LSAMP: variants seen among roughly 807,000 people sequenced by gnomAD.
LSAMP encodes the protein limbic system associated membrane protein, also known as limbic system-associated membrane protein.
A neutral mutation model predicts 38.6 loss-of-function variants in LSAMP; 7 were observed. That is an observed-to-expected ratio of 0.18 (90% CI 0.10 to 0.34). The LOEUF (loss-of-function observed/expected upper bound fraction) is 0.34, where lower values mean the gene tolerates loss of function less well. LSAMP is among the 10% of genes least tolerant of loss of function. The pLI is 1.00. For missense variants in LSAMP, 313 were observed against 420.0 expected (o/e 0.75, Z 2.23); for synonymous variants, 154 against 166.8 (o/e 0.92, Z 0.59).
At chr3:116,158,341 T>G (rs1266625814) in intron 1 of LSAMP, among the ~76,000 whole-genome samples, 1 of 152,030 alleles carries the variant, frequency 6.6e-6, no homozygotes, top group Non-Finnish European at 1.5e-5. Context: ...CCTAGTACTA[T>G]AAGTCCTCTC....
intron 1 of LSAMP, among the ~76,000 whole-genome samples, chr3:116,163,516 A>T (rs1179182972): frequency 6.6e-6 from 1 of 151,626 alleles, no homozygotes; most frequent in Non-Finnish European, 1.5e-5. Flanking sequence ...TGCTATTGTG[A>T]ATAGTGCCGC....
At chr3:115,927,774 G>A (rs1012897331) in intron 3 of LSAMP, among the ~76,000 whole-genome samples, 2 of 152,006 alleles carry the variant, frequency 1.3e-5, no homozygotes, top group African/African-American at 2.4e-5. Flanking sequence ...TGGCCCCTTC[G>A]TCCCCTCCAT....
At chr3:115,866,785 G>T (rs574664642) in intron 3 of LSAMP, among the ~76,000 whole-genome samples, 12 of 152,008 alleles carry the variant, frequency 7.9e-5, no homozygotes, top group Non-Finnish European at 1.5e-4. Flanking sequence ...TGCCAAGCAG[G>T]ATAAATTACC....
intron 3 of LSAMP, among the ~76,000 whole-genome samples, chr3:115,999,834 C>T (rs1234904829): frequency 6.6e-6 from 1 of 152,172 alleles, no homozygotes; most frequent in African/African-American, 2.4e-5. Flanking sequence ...GGGTGTGAAA[C>T]TGCTCCTCTC....
intron 6 of LSAMP, 117 bp downstream of exon 6, chr3:115,841,728 A>C (rs1935002043): frequency 1.6e-6 from 2 of 1,236,210 alleles, no homozygotes; most frequent in Non-Finnish European, 2.2e-6. Flanking sequence ...GTTTCAGTGC[A>C]TATATCCTTA....
At chr3:116,218,619 G>A (rs2046248175) in intron 1 of LSAMP, among the ~76,000 whole-genome samples, 1 of 152,050 alleles carries the variant, frequency 6.6e-6, no homozygotes, top group Non-Finnish European at 1.5e-5. Flanking sequence ...TCTACTAAAT[G>A]GACTACCTCT....
chr3:116,222,902 ATTTTT>A (rs1346130824), intron 1 of LSAMP, among the ~76,000 whole-genome samples: 1 of 144,686 alleles, frequency 6.9e-6, no homozygotes, highest in Non-Finnish European at 1.5e-5. Context: ...TGCCCGGCTA[ATTTTT>A]TTTTGTATTT....
chr3:116,346,491 G>A (rs1340978813), intron 1 of LSAMP, among the ~76,000 whole-genome samples: 1 of 151,880 alleles, frequency 6.6e-6, no homozygotes, highest in Admixed American at 6.6e-5. Flanking sequence ...ACCACACCTG[G>A]CTAATTTTTG....
In LSAMP at chr3:116,317,346, CTCTT is replaced by C. The variant is rs752820425; in HGVS notation, c.155+127527_155+127530del. ...GGACACAATACAAAGAGAGCCCAAT[CTCTT>C]TCTTTCTTTTTTTTTTTTTTTTTGA... On this transcript the variant is annotated intron_variant, in intron 1 of 6. Transcript: ENST00000490035. Among the ~76,000 whole-genome samples the C allele has an allele frequency of 1.5e-3, 234 of 151,400 alleles. 2 individuals carry two copies. The highest frequency in any genetic ancestry group is 0.011 in the Admixed American group (164 of 15,220).
chr3:116,439,638 T>C (rs9289053), intron 1 of LSAMP, among the ~76,000 whole-genome samples: 38,181 of 152,258 alleles, frequency 0.25, 5,247 homozygotes, highest in African/African-American at 0.37. Flanking sequence ...TAGCACTTTA[T>C]AATTCAACAA....
intron 1 of LSAMP, among the ~76,000 whole-genome samples, chr3:116,092,284 A>G (rs1476509562): frequency 6.6e-6 from 1 of 152,182 alleles, no homozygotes; most frequent in African/African-American, 2.4e-5. Context: ...ATTTAAAGAG[A>G]ATTATTGAGT....
intron 1 of LSAMP, among the ~76,000 whole-genome samples, chr3:116,383,299 A>G (rs1237725901): frequency 6.6e-6 from 1 of 152,098 alleles, no homozygotes; most frequent in Non-Finnish European, 1.5e-5. Flanking sequence ...TTTCTGTGTC[A>G]TGGACTAACA....
chr3:116,078,056 A>G (rs1707785449), intron 2 of LSAMP, among the ~76,000 whole-genome samples: 2 of 152,256 alleles, frequency 1.3e-5, no homozygotes, highest in South Asian at 4.1e-4. Context: ...AGGTTGTACT[A>G]CTTTTTTAAT....
Position 115,836,929 on chromosome 3 carries a change from C to T in LSAMP, c.919+4916G>A, listed in dbSNP as rs561779937. ...CTGCGTAGGTGGGACCATGGGTGCA[C>T]GCCACCATACCTGGGTAATTCTTTG... On this transcript the variant is annotated intron_variant, in intron 6 of 6. Transcript: ENST00000490035. 1.5e-4 allele frequency among the ~76,000 whole-genome samples: 23 copies of T among 152,220 alleles called. 1 individual carries two copies. Among genetic ancestry groups the T allele is most frequent in the South Asian group, 8.3e-4 (4 of 4,822 alleles).
chr3:115,839,243 T>C (rs1399680224), intron 6 of LSAMP, among the ~76,000 whole-genome samples: 2 of 104,260 alleles, frequency 1.9e-5, no homozygotes, highest in Non-Finnish European at 3.9e-5. Context: ...CCTTCTTTCC[T>C]TCCTTCCTTC....
intron 1 of LSAMP, among the ~76,000 whole-genome samples, chr3:116,088,786 G>T (rs180950993): frequency 6.6e-6 from 1 of 151,968 alleles, no homozygotes; most frequent in African/African-American, 2.4e-5. Flanking sequence ...AAAATACCAC[G>T]TAATATAGCT....
chr3:115,819,169 G>T (rs1291854038), intron 6 of LSAMP, among the ~76,000 whole-genome samples: 1 of 150,660 alleles, frequency 6.6e-6, no homozygotes, highest in African/African-American at 2.4e-5. Context: ...AAAGTGGCCC[G>T]GCTCAGTGGC....
intron 3 of LSAMP, among the ~76,000 whole-genome samples, chr3:115,959,728 T>C (rs768899694): frequency 1.3e-5 from 2 of 152,186 alleles, no homozygotes; most frequent in Non-Finnish European, 2.9e-5. Context: ...GTGCTTGACA[T>C]TGAGACTGGC....
intron 3 of LSAMP, among the ~76,000 whole-genome samples, chr3:115,999,397 C>T (rs1456951330): frequency 6.6e-6 from 1 of 152,164 alleles, no homozygotes; most frequent in Non-Finnish European, 1.5e-5. Context: ...TTCTCTTCTC[C>T]TCAAAACCTA....
Sources: allele counts gnomAD v4.1 joint callset (sites outside exome capture counted in the v4.1 genomes callset), GRCh38; gene constraint gnomAD v4.1.1; transcripts MANE v1.5; gene names NCBI Gene and HGNC (gene_info 2026-07-23, HGNC 2026-07-21).